Variants in GMPR observed in about 807,000 individuals in gnomAD.
The protein encoded by GMPR is guanosine monophosphate reductase.
Under a neutral mutation model 38.4 loss-of-function variants are expected in GMPR, and 31 were observed. The ratio of observed to expected loss-of-function variants is 0.81; its 90% confidence interval spans 0.61 to 1.09. The LOEUF is 1.09. GMPR is among the 50% of genes least tolerant of loss of function. GMPR has a pLI of 0.00. For synonymous variants in GMPR, 162 were observed against 173.3 expected (o/e 0.93, Z 0.51); for missense variants, 468 against 453.7 (o/e 1.03, Z -0.29).
intron 7 of GMPR, chr6:16,289,386 AATG>A (rs1274021111): frequency 3.9e-5 from 6 of 152,280 alleles, no homozygotes; most frequent in South Asian, 2.1e-4. Flanking sequence ...CAAAATGGGG[AATG>A]ATAACTTTTT....
intron 7 of GMPR, 80 bp downstream of exon 7, chr6:16,285,915 TGAG>T (rs1759670539): frequency 1.7e-6 from 2 of 1,167,324 alleles, no homozygotes; most frequent in Admixed American, 2.0e-5. Context: ...GCAACCTGAA[TGAG>T]GAGGGGGACC....
chr6:16,289,197 A>G (rs149437695), intron 7 of GMPR, among the ~76,000 whole-genome samples: 1 of 152,172 alleles, frequency 6.6e-6, no homozygotes, highest in Admixed American at 6.5e-5. Context: ...CGCAGACCCC[A>G]ACCCCACCAG....
chr6:16,247,944 C>T (rs1229083495), intron 2 of GMPR, among the ~76,000 whole-genome samples: 1 of 152,022 alleles, frequency 6.6e-6, no homozygotes. Flanking sequence ...AATATCCTTG[C>T]TTTGGCTGGG....
chr6:16,271,548 G>A (rs1759385950), intron 4 of GMPR, among the ~76,000 whole-genome samples: 1 of 152,074 alleles, frequency 6.6e-6, no homozygotes, highest in Non-Finnish European at 1.5e-5. Flanking sequence ...AAGTTTTTGT[G>A]GTTTTGTTTG....
At chr6:16,286,371 C>T (rs538987517) in intron 7 of GMPR, among the ~76,000 whole-genome samples, 5 of 151,988 alleles carry the variant, frequency 3.3e-5, no homozygotes, top group East Asian at 2.0e-4. Context: ...AGCCTCTCAA[C>T]ACCACAAGCA....
intron 4 of GMPR, chr6:16,259,387 CAG>C (rs1374167398): frequency 6.6e-6 from 1 of 152,036 alleles, no homozygotes; most frequent in African/African-American, 2.4e-5. Context: ...CTGCAGGTCA[CAG>C]GGGATATGAT....
rs75475395 is a variant in GMPR, at chr6:16,266,760, C to T, written c.466-7655C>T. Among the ~76,000 whole-genome samples the T allele has an allele frequency of 8.8e-4, 133 of 151,190 alleles. 3 individuals are homozygous for T. The East Asian group carries it at 0.015, about 17-fold the overall frequency. On this transcript the variant is annotated intron_variant, in intron 4 of 8. Coordinates refer to ENST00000259727, the MANE Select transcript of GMPR (RefSeq NM_006877.4). ...TGGGAGGGGGAGCTTGACGGCACTC[C>T]GGCCTAGGTGAGAGCGAGACTCCGT...
At chr6:16,249,166 A>ATTTTTT (rs11292107) in intron 2 of GMPR, among the ~76,000 whole-genome samples, 8 of 96,436 alleles carry the variant, frequency 8.3e-5, no homozygotes, top group Admixed American at 1.2e-4. Flanking sequence ...ACATTTTGTA[A>ATTTTTT]TTTTTTTTTT....
At position 16,290,541 on chromosome 6, in the gene GMPR, C is replaced by T. The variant is rs772913537; in HGVS notation, c.777C>T (p.Asn259=). 37 of 1,613,736 alleles carry T rather than the reference C, an allele frequency of 2.3e-5. No individual in the cohort carries two copies. The Admixed American group carries it at 2.7e-4, about 12-fold the overall frequency. The change falls in exon 8 of 9, where the codon AAC becomes AAT. Residue 259 remains asparagine (N), a synonymous_variant. Transcript: ENST00000259727. ...GTGCTGGAGAAGTGTTTGAGAGGAA[C>T]GGACGGAAGCTCAAGCTCTTCTACG... The part of the protein sequence containing the change: ...TECAGEVFER[N]GRKLKLFYGM...
chr6:16,259,100 CCGAAAAGAGAGT>C, intron 4 of GMPR: 1 of 152,074 alleles, frequency 6.6e-6, no homozygotes, highest in African/African-American at 2.4e-5. Flanking sequence ...CGGGCTGAGT[CCGAAAAGAGAGT>C]CAGCGAAGGG....
At chr6:16,250,234 G>T (rs1431656726) in intron 2 of GMPR, 50 bp from the exon 3 acceptor site, 1 of 941,288 alleles carries the variant, frequency 1.1e-6, no homozygotes, top group South Asian at 1.3e-5. Context: ...GAGGAGGGAG[G>T]GGGGCTCTCA....
At chr6:16,257,797 G>C (rs904040137) in intron 4 of GMPR, among the ~76,000 whole-genome samples, 2 of 152,204 alleles carry the variant, frequency 1.3e-5, no homozygotes, top group Non-Finnish European at 1.5e-5. Flanking sequence ...AACCTCTCTT[G>C]TGAGGGCACT....
intron 5 of GMPR, among the ~76,000 whole-genome samples, chr6:16,275,652 C>A (rs185654533): frequency 6.6e-5 from 10 of 152,324 alleles, no homozygotes; most frequent in Admixed American, 6.5e-4. Flanking sequence ...CAGGCTGCCT[C>A]CTCTTAGGGC....
chr6:16,262,240 C>T (rs903217246), intron 4 of GMPR: 4 of 151,616 alleles, frequency 2.6e-5, no homozygotes, highest in South Asian at 2.1e-4. Context: ...GCTTCCGAGG[C>T]GATCGGGCAG....
At chr6:16,279,950 T>C (rs1759548096) in intron 6 of GMPR, among the ~76,000 whole-genome samples, 1 of 152,104 alleles carries the variant, frequency 6.6e-6, no homozygotes, top group African/African-American at 2.4e-5. Context: ...GTGACTGTGC[T>C]CTGCAGCAGG....
chr6:16,239,951 C>G (rs778154281), intron 1 of GMPR, among the ~76,000 whole-genome samples: 1 of 152,166 alleles, frequency 6.6e-6, no homozygotes, highest in South Asian at 2.1e-4. Context: ...CTGTGCCTGT[C>G]CCTCATGACC....
intron 5 of GMPR, among the ~76,000 whole-genome samples, chr6:16,278,570 A>G (rs1029455385): frequency 2.0e-5 from 3 of 152,144 alleles, no homozygotes; most frequent in African/African-American, 7.2e-5. Flanking sequence ...AGCCAGTGAC[A>G]GTGATGAGGA....
intron 4 of GMPR, among the ~76,000 whole-genome samples, chr6:16,267,683 A>T (rs1759287971): frequency 1.3e-5 from 2 of 152,094 alleles, no homozygotes; most frequent in Non-Finnish European, 2.9e-5. Context: ...CACCGGAAGG[A>T]ACCAATTCCA....
chr6:16,248,284 A>G (rs990472625), intron 2 of GMPR, among the ~76,000 whole-genome samples: 8 of 151,156 alleles, frequency 5.3e-5, no homozygotes, highest in African/African-American at 1.7e-4. Flanking sequence ...CAATCTGAGA[A>G]GTACTGTTTG....
Sources: allele counts gnomAD v4.1 joint callset (sites outside exome capture counted in the v4.1 genomes callset), GRCh38; gene constraint gnomAD v4.1.1; transcripts MANE v1.5; gene names NCBI Gene and HGNC (gene_info 2026-07-23, HGNC 2026-07-21).